Variants in SCML2 observed in about 807,000 individuals in gnomAD.
SCML2 encodes the protein sex comb on midleg-like protein 2.
Under a neutral mutation model 48.4 loss-of-function variants are expected in SCML2, and 6 were observed. The observed-to-expected ratio is 0.12, with a 90% CI of 0.07 to 0.24. The LOEUF is 0.24. Ranked by LOEUF, SCML2 falls within the 10% of genes least tolerant of loss-of-function variation. The pLI, the probability that SCML2 is intolerant of heterozygous loss-of-function variation, is 1.00. For synonymous variants in SCML2, 181 were observed against 189.5 expected (o/e 0.95, Z 0.37); for missense variants, 377 against 528.2 (o/e 0.71, Z 2.81).
At position 18,247,379 on chromosome X, in the gene SCML2, A is replaced by AGCAT. The variant is rs1205419622; in HGVS notation, c.1570+386_1570+389dup. On this transcript the variant is annotated intron_variant, in intron 12 of 14. Coordinates refer to ENST00000251900, the MANE Select transcript of SCML2 (RefSeq NM_006089.3). ...ACCAAGGCTATAAACACCTCACTGA[A>AGCAT]GCATTTGTTTTTAGAAATGCAGTTC... Among the ~76,000 whole-genome samples the AGCAT allele has an allele frequency of 2.7e-5, 3 of 111,749 alleles. No individual in the cohort carries two copies. The Admixed American group carries it at 2.9e-4, about 11-fold the overall frequency.
chrX:18,350,310 T>C (rs1331429422), intron 1 of SCML2, among the ~76,000 whole-genome samples: 2 of 108,571 alleles, frequency 1.8e-5, no homozygotes, highest in African/African-American at 6.7e-5. Context: ...CGGTGGCTCA[T>C]GCCTGTAATC....
At chrX:18,337,163 G>A (rs1037406967) in intron 1 of SCML2, among the ~76,000 whole-genome samples, 1 of 108,453 alleles carries the variant, frequency 9.2e-6, no homozygotes, top group South Asian at 4.1e-4. Flanking sequence ...TTAGCCAGAT[G>A]TGGTGATGTG....
chrX:18,276,805 T>C (rs1201009010), intron 7 of SCML2, among the ~76,000 whole-genome samples: 1 of 111,237 alleles, frequency 9.0e-6, no homozygotes, highest in African/African-American at 3.3e-5. Context: ...AGAATATAGA[T>C]TGGTGATTAA....
At chrX:18,306,784 A>T (rs1371476572) in intron 6 of SCML2, among the ~76,000 whole-genome samples, 1 of 110,755 alleles carries the variant, frequency 9.0e-6, no homozygotes, top group East Asian at 2.8e-4. Context: ...ACGATCTGGA[A>T]GCTCCTTAAT....
At chrX:18,302,866 G>A (rs1294398419) in intron 7 of SCML2, among the ~76,000 whole-genome samples, 2 of 112,073 alleles carry the variant, frequency 1.8e-5, no homozygotes, top group African/African-American at 6.5e-5. Flanking sequence ...AAGTTACCCT[G>A]AATCAGTTAG....
intron 1 of SCML2, among the ~76,000 whole-genome samples, chrX:18,345,238 G>A (rs1290637496): frequency 9.0e-6 from 1 of 111,310 alleles, no homozygotes; most frequent in Non-Finnish European, 1.9e-5. Flanking sequence ...CCTGGGGGCA[G>A]TATCACATCT....
intron 7 of SCML2, among the ~76,000 whole-genome samples, chrX:18,279,507 C>G (rs1034397345): frequency 3.6e-5 from 4 of 112,183 alleles, no homozygotes; most frequent in Admixed American, 9.4e-5. Context: ...ACTAGCTCCC[C>G]AGCAATGGTT....
chrX:18,257,044 A>T lies in SCML2; in HGVS notation c.1274-14T>A, dbSNP rs774623425. 7 of 1,129,305 alleles carry T rather than the reference A, an allele frequency of 6.2e-6. No individual in the cohort carries two copies. In the South Asian group the frequency reaches 1.3e-4, roughly 22 times the overall value. 93.1% of individuals were successfully genotyped at this position (1,129,305 alleles called of 1,213,427 possible). On this transcript the variant is annotated splice_polypyrimidine_tract_variant and intron_variant, in intron 10 of 14. Transcript: ENST00000251900. The stretch of plus-strand genomic sequence containing the variant: ...CATCAAAGGAGGCTATTGGGGGAAA[A>T]AAAAGGATGTCAGTAACCTCAGAGA...
chrX:18,352,730 A>T (rs1459060096), intron 1 of SCML2, among the ~76,000 whole-genome samples: 4 of 112,030 alleles, frequency 3.6e-5, no homozygotes, highest in African/African-American at 1.3e-4. Flanking sequence ...GGACTGATCA[A>T]CCACCTCATG....
At chrX:18,353,399 G>A (rs1930435791) in intron 1 of SCML2, among the ~76,000 whole-genome samples, 1 of 111,567 alleles carries the variant, frequency 9.0e-6, no homozygotes. Flanking sequence ...TAGCTCTGGG[G>A]GCATTAAAAT....
At chrX:18,252,739 C>G (rs1372822773) in intron 11 of SCML2, among the ~76,000 whole-genome samples, 1 of 112,256 alleles carries the variant, frequency 8.9e-6, no homozygotes, top group Non-Finnish European at 1.9e-5. Context: ...CTTGGCACTA[C>G]AGTGAAAATA....
intron 8 of SCML2, 138 bp downstream of exon 8, chrX:18,265,447 G>A (rs1209542042): frequency 2.0e-6 from 1 of 493,286 alleles, no homozygotes; most frequent in Non-Finnish European, 3.4e-6. Flanking sequence ...AGTTATGTGA[G>A]GCTTTCAAAA....
At chrX:18,311,618 G>T (rs1231430537) in intron 6 of SCML2, among the ~76,000 whole-genome samples, 1 of 111,934 alleles carries the variant, frequency 8.9e-6, no homozygotes, top group Non-Finnish European at 1.9e-5. Flanking sequence ...TGGGTAAAAT[G>T]TAAGTAGGAG....
intron 11 of SCML2, among the ~76,000 whole-genome samples, chrX:18,250,895 G>A (rs996000196): frequency 9.1e-6 from 1 of 110,221 alleles, no homozygotes; most frequent in Non-Finnish European, 1.9e-5. Context: ...CATGGCAGAA[G>A]GCAAAGGAGG....
intron 7 of SCML2, among the ~76,000 whole-genome samples, chrX:18,303,954 T>C (rs1306752562): frequency 8.9e-6 from 1 of 112,656 alleles, no homozygotes; most frequent in African/African-American, 3.2e-5. Flanking sequence ...TTTCTACATC[T>C]ATCTTTTTTT....
rs370854610 is a variant in SCML2, at chrX:18,330,700, C to T, written c.23-45G>A. ...CAATACTGGGAGTCCACAGCAACAG[C>T]TTGAAAGAGCACTCAGAAAAATATA... On this transcript the variant is annotated intron_variant, in intron 2 of 14. Transcript: ENST00000251900. 37 of 763,188 alleles carry T rather than the reference C, an allele frequency of 4.8e-5. No homozygotes were observed. The African/African-American group carries it at 7.9e-4, about 16-fold the overall frequency. The allele number at this position is 763,188 out of a possible 1,213,427, so 62.9% of individuals were successfully genotyped here. A position where few individuals can be genotyped will look rare whatever the true frequency, so the allele number is the denominator to read the frequency against.
intron 6 of SCML2, among the ~76,000 whole-genome samples, chrX:18,318,542 T>C (rs2147536354): frequency 8.9e-6 from 1 of 112,575 alleles, no homozygotes; most frequent in African/African-American, 3.2e-5. Context: ...TTTTCCTCTT[T>C]TTTTATATAC....
At chrX:18,271,944 C>G (rs966462313) in intron 7 of SCML2, among the ~76,000 whole-genome samples, 5 of 110,550 alleles carry the variant, frequency 4.5e-5, no homozygotes, top group African/African-American at 1.3e-4. Flanking sequence ...TTGCCACAAA[C>G]TAATCAATCA....
At chrX:18,253,202 G>C (rs746587564) in intron 11 of SCML2, among the ~76,000 whole-genome samples, 1 of 111,622 alleles carries the variant, frequency 9.0e-6, no homozygotes, top group Admixed American at 9.6e-5. Context: ...GAATAGCGAG[G>C]AATCAGGAGA....
Sources: allele counts gnomAD v4.1 joint callset (sites outside exome capture counted in the v4.1 genomes callset), GRCh38; gene constraint gnomAD v4.1.1; transcripts MANE v1.5; gene names NCBI Gene and HGNC (gene_info 2026-07-23, HGNC 2026-07-21).